The following SDK1 variants were observed in gnomAD, a reference collection of about 807,000 sequenced individuals.
The protein encoded by SDK1 is sidekick cell adhesion molecule 1.
Under a neutral mutation model 245.5 loss-of-function variants are expected in SDK1, and 157 were observed. That is an observed-to-expected ratio of 0.64 (90% CI 0.56 to 0.73). SDK1 has a LOEUF of 0.73. Among genes scored for constraint, SDK1 ranks in the 30% least tolerant of loss-of-function variants. The pLI is 0.00. For missense variants in SDK1, 3,583 were observed against 3,002.3 expected, an observed-to-expected ratio of 1.19 and a Z score of -4.52; for synonymous variants, 1,647 against 1,278.5, an observed-to-expected ratio of 1.29 and a Z score of -6.15.
chr7:4,233,513 G>T, intron 41 of SDK1, 94 bp downstream of exon 41: 1 of 1,259,166 alleles, frequency 7.9e-7, no homozygotes. Flanking sequence ...TCTCCTGAAG[G>T]GTGGGAGGGA....
intron 4 of SDK1, among the ~76,000 whole-genome samples, chr7:3,712,157 A>G (rs1785068435): frequency 6.6e-6 from 1 of 152,178 alleles, no homozygotes; most frequent in African/African-American, 2.4e-5. Context: ...CAGGGTGGGC[A>G]AGTGAGCGAA....
At chr7:3,794,668 G>A (rs1778918793) in intron 4 of SDK1, among the ~76,000 whole-genome samples, 4 of 152,192 alleles carry the variant, frequency 2.6e-5, no homozygotes, top group Non-Finnish European at 5.9e-5. Flanking sequence ...CAGCAAGAAG[G>A]CCCTCCCCAG....
intron 4 of SDK1, among the ~76,000 whole-genome samples, chr7:3,683,228 G>C (rs570195796): frequency 1.3e-5 from 2 of 152,224 alleles, no homozygotes; most frequent in East Asian, 3.9e-4. Context: ...TTGTATCTGT[G>C]GTGTTTTCTG....
chr7:4,211,369 T>G (rs1584456209), intron 38 of SDK1, among the ~76,000 whole-genome samples: 1 of 148,800 alleles, frequency 6.7e-6, no homozygotes. Flanking sequence ...GACCAGGGAG[T>G]GAGGAGGCCG....
chr7:3,873,252 G>T (rs1781000502), intron 5 of SDK1, among the ~76,000 whole-genome samples: 1 of 152,076 alleles, frequency 6.6e-6, no homozygotes, highest in South Asian at 2.1e-4. Context: ...TTAAACATTT[G>T]ATGTAATTCC....
At chr7:3,702,882 A>G (rs147615587) in intron 4 of SDK1, among the ~76,000 whole-genome samples, 274 of 152,152 alleles carry the variant, frequency 1.8e-3, no homozygotes, top group Non-Finnish European at 3.2e-3. Context: ...TGAAACCAAA[A>G]TAAGAGATCA....
chr7:4,216,800 G>C (rs969680894), intron 38 of SDK1, among the ~76,000 whole-genome samples: 1 of 152,180 alleles, frequency 6.6e-6, no homozygotes, highest in African/African-American at 2.4e-5. Flanking sequence ...AAGGCAAATA[G>C]AGGGTACAGC....
At chr7:3,702,307 C>T (rs1047373631) in intron 4 of SDK1, among the ~76,000 whole-genome samples, 1 of 152,066 alleles carries the variant, frequency 6.6e-6, no homozygotes, top group African/African-American at 2.4e-5. Context: ...CTAAAATGGG[C>T]AAAAGACGAG....
intron 5 of SDK1, among the ~76,000 whole-genome samples, chr7:3,930,643 A>T (rs1454787931): frequency 6.6e-6 from 1 of 152,186 alleles, no homozygotes; most frequent in Non-Finnish European, 1.5e-5. Flanking sequence ...ATACAAAAAA[A>T]TTAGCCACGC....
At chr7:3,792,716 C>G (rs1398644815) in intron 4 of SDK1, among the ~76,000 whole-genome samples, 1 of 151,828 alleles carries the variant, frequency 6.6e-6, no homozygotes, top group East Asian at 1.9e-4. Context: ...ATCCATCCAT[C>G]CATCCGTCTG....
At position 3,572,811 on chromosome 7, in the gene SDK1, C is replaced by T. The variant is rs75035290; in HGVS notation, c.299-46269C>T. Among the ~76,000 whole-genome samples, 728 of 152,052 alleles carry T rather than the reference C, an allele frequency of 4.8e-3. 12 individuals are homozygous for T. Among genetic ancestry groups the T allele is most frequent in the African/African-American group, 0.016 (671 of 41,522 alleles). On this transcript the variant is annotated intron_variant, in intron 1 of 44. Transcript: ENST00000404826. ...TGCGTGGGCTAAACAGTTGAGTAAACGTAAACATGGTGAAAAATAGAGGGT... is the reference window on the plus strand; with the variant it reads ...TGCGTGGGCTAAACAGTTGAGTAAATGTAAACATGGTGAAAAATAGAGGGT...
At chr7:3,352,141 T>C (rs978285901) in intron 1 of SDK1, among the ~76,000 whole-genome samples, 6 of 149,062 alleles carry the variant, frequency 4.0e-5, no homozygotes, top group African/African-American at 1.5e-4. Flanking sequence ...TATAAATATA[T>C]AAATATATAT....
intron 5 of SDK1, among the ~76,000 whole-genome samples, chr7:3,853,226 A>G (rs886568425): frequency 4.2e-4 from 64 of 152,208 alleles, no homozygotes; most frequent in African/African-American, 1.3e-3. Context: ...CAAAGATGGA[A>G]AGTAACCTAT....
chr7:3,917,467 G>A (rs113903927), intron 5 of SDK1, among the ~76,000 whole-genome samples: 10 of 152,274 alleles, frequency 6.6e-5, no homozygotes, highest in Non-Finnish European at 1.2e-4. Flanking sequence ...TTGGGGCACT[G>A]TGGAACTCAC....
At chr7:4,161,963 G>A (rs566899812) in intron 32 of SDK1, 107 bp downstream of exon 32, 19 of 987,324 alleles carry the variant, frequency 1.9e-5, no homozygotes, top group African/African-American at 6.4e-5. Flanking sequence ...TGAGCTAAGC[G>A]TTTGAGAGTA....
chr7:4,110,756 C>G lies in SDK1; in HGVS notation c.3418C>G (p.Pro1140Ala). ...GATGCTGGAGATCCCAAACCTCACA[C>G]CCTACACTCACTACAGGTGAGAACA... ...AQMLEIPNLT[P>A]YTHYRFRMKQ... Residue 1140 changes from proline to alanine, a missense_variant, in exon 23 of 45, where the codon CCC becomes GCC. By Grantham distance (27) the Pro-to-Ala change is conservative. Coordinates refer to ENST00000404826, the MANE Select transcript of SDK1 (RefSeq NM_152744.4). 1 of 1,611,360 alleles carries G rather than the reference C, an allele frequency of 6.2e-7. No homozygotes were observed. Among genetic ancestry groups the G allele is most frequent in the Non-Finnish European group, 8.5e-7 (1 of 1,177,476 alleles).
At chr7:4,166,661 A>G (rs909006960) in intron 32 of SDK1, among the ~76,000 whole-genome samples, 1 of 152,234 alleles carries the variant, frequency 6.6e-6, no homozygotes, top group Non-Finnish European at 1.5e-5. Context: ...CACAGGATGG[A>G]AAGTGAAAGC....
chr7:3,490,631 G>A (rs1002992010), intron 1 of SDK1, among the ~76,000 whole-genome samples: 1 of 152,210 alleles, frequency 6.6e-6, no homozygotes, highest in Non-Finnish European at 1.5e-5. Flanking sequence ...ATGAACACAT[G>A]AAGACCTGCA....
intron 5 of SDK1, among the ~76,000 whole-genome samples, chr7:3,843,975 A>G (rs1307947731): frequency 6.6e-6 from 1 of 152,108 alleles, no homozygotes; most frequent in South Asian, 2.1e-4. Context: ...CAGAAATCCT[A>G]TTTATTTATT....
Sources: gnomAD v4.1 joint callset for allele counts (sites outside exome capture counted in the v4.1 genomes callset) on GRCh38, gnomAD v4.1.1 for gene constraint, MANE v1.5 for transcripts, NCBI Gene and HGNC (gene_info 2026-07-23, HGNC 2026-07-21) for gene names.